Variants in IFT88 observed in about 807,000 individuals in gnomAD.
The protein encoded by IFT88 is intraflagellar transport protein 88 homolog.
In IFT88, 74 loss-of-function variants were observed where a neutral mutation model predicts 119.5. The observed-to-expected ratio is 0.62, with a 90% CI of 0.51 to 0.75. IFT88 has a LOEUF of 0.75. Ranked by LOEUF, IFT88 falls within the 30% of genes least tolerant of loss-of-function variation. The pLI is 0.00. For missense variants in IFT88, 961 were observed against 977.7 expected (o/e 0.98, Z 0.23); for synonymous variants, 279 against 316.7 (o/e 0.88, Z 1.26).
chr13:20,613,658 G>A (rs550918690), intron 13 of IFT88, among the ~76,000 whole-genome samples: 26 of 129,698 alleles, frequency 2.0e-4, no homozygotes, highest in South Asian at 7.7e-4. Context: ...TCATAATATC[G>A]AAAAATAGAA....
intron 23 of IFT88, among the ~76,000 whole-genome samples, chr13:20,667,998 T>G (rs4770065): frequency 0.71 from 100,930 of 141,586 alleles, 35,450 homozygotes; most frequent in East Asian, 1. Context: ...GCAGTCAATA[T>G]GATGGACACT....
intron 21 of IFT88, among the ~76,000 whole-genome samples, chr13:20,654,703 A>G (rs1199637636): frequency 6.6e-6 from 1 of 152,212 alleles, no homozygotes; most frequent in Non-Finnish European, 1.5e-5. Context: ...GTTTTAATAC[A>G]TAACTCAGTG....
chr13:20,674,713 TA>T (rs1566450059), intron 24 of IFT88, among the ~76,000 whole-genome samples: 2 of 37,438 alleles, frequency 5.3e-5, no homozygotes, highest in African/African-American at 1.8e-4. Context: ...TATATATATA[TA>T]TATATATATA....
chr13:20,586,392 G>A (rs1312066998), intron 3 of IFT88, among the ~76,000 whole-genome samples: 1 of 152,152 alleles, frequency 6.6e-6, no homozygotes, highest in African/African-American at 2.4e-5. Flanking sequence ...AAGGCATGAA[G>A]TAATAAATTA....
At chr13:20,592,959 A>G (rs961538508) in intron 7 of IFT88, among the ~76,000 whole-genome samples, 2 of 152,194 alleles carry the variant, frequency 1.3e-5, no homozygotes, top group South Asian at 2.1e-4. Flanking sequence ...TTGTGATATT[A>G]TATGACTTGA....
intron 15 of IFT88, among the ~76,000 whole-genome samples, chr13:20,630,618 C>G (rs1328743066): frequency 6.6e-6 from 1 of 152,032 alleles, no homozygotes; most frequent in Non-Finnish European, 1.5e-5. Context: ...AGTCTAGTCT[C>G]AAACTCCTGA....
At chr13:20,628,268 T>C (rs1372635271) in intron 15 of IFT88, among the ~76,000 whole-genome samples, 3 of 152,144 alleles carry the variant, frequency 2.0e-5, no homozygotes, top group African/African-American at 7.2e-5. Context: ...TGATGGTGTT[T>C]GTAGCCACTT....
At chr13:20,656,455 T>G in intron 22 of IFT88, 25 bp downstream of exon 22, 2 of 1,168,880 alleles carry the variant, frequency 1.7e-6, no homozygotes, top group Admixed American at 4.2e-5. Flanking sequence ...ATAATGTAAC[T>G]TTGAAGTGAT....
At chr13:20,586,634 G>A (rs1391840002) in intron 3 of IFT88, among the ~76,000 whole-genome samples, 1 of 152,140 alleles carries the variant, frequency 6.6e-6, no homozygotes, top group African/African-American at 2.4e-5. Flanking sequence ...ACACAAAAAT[G>A]AGATTTAGTC....
At chr13:20,661,073 A>C (rs948295337) in intron 22 of IFT88, among the ~76,000 whole-genome samples, 30 of 152,336 alleles carry the variant, frequency 2.0e-4, no homozygotes, top group African/African-American at 6.3e-4. Flanking sequence ...TACAACAGAT[A>C]TATCAACTTG....
At chr13:20,597,415 G>A (rs890438245) in intron 9 of IFT88, among the ~76,000 whole-genome samples, 1 of 152,126 alleles carries the variant, frequency 6.6e-6, no homozygotes, top group African/African-American at 2.4e-5. Context: ...TTTGCGACCA[G>A]CCTGGGCAAC....
In IFT88 at chr13:20,670,986, G is replaced by A. The variant is rs772737341; in HGVS notation, c.2189G>A (p.Gly730Asp). The stretch of plus-strand genomic sequence containing the variant: ...TCTTTGCTCTAGCGCATAAAGTCAG[G>A]CAGAGATGGCAGTGGGGGCTCCCGT... ...KEIREQRIKS[G>D]RDGSGGSRGK... Residue 730 changes from glycine to aspartate, a missense_variant, in exon 24 of 26, where the codon GGC becomes GAC. Coordinates refer to ENST00000351808, the MANE Select transcript of IFT88 (RefSeq NM_006531.5). 1.2e-6 allele frequency: 2 copies of A among 1,613,828 alleles called. No individual in the cohort carries two copies. Among genetic ancestry groups the A allele is most frequent in the Non-Finnish European group, 8.5e-7 (1 of 1,179,848 alleles).
At chr13:20,684,879 G>A (rs1441632249) in intron 24 of IFT88, among the ~76,000 whole-genome samples, 4 of 152,218 alleles carry the variant, frequency 2.6e-5, no homozygotes, top group Admixed American at 1.3e-4. Flanking sequence ...CCTTCGACCC[G>A]GGTTCAAGCC....
At position 20,651,065 on chromosome 13, in the gene IFT88, C is replaced by G. The variant is rs540669037; in HGVS notation, c.1950-2811C>G. 2.0e-5 allele frequency among the ~76,000 whole-genome samples: 3 copies of G among 152,002 alleles called. No individual in the cohort carries two copies. In the South Asian group the frequency reaches 6.2e-4, roughly 32 times the overall value. On this transcript the variant is annotated intron_variant, in intron 20 of 25. Transcript: ENST00000351808. The stretch of plus-strand genomic sequence containing the variant: ...CTTCTGCAGCAGTACCACACTGTTT[C>G]GATTATTGTAGCATTAAAGCAAATT...
At chr13:20,685,201 C>T (rs923127612) in intron 24 of IFT88, among the ~76,000 whole-genome samples, 2 of 152,214 alleles carry the variant, frequency 1.3e-5, no homozygotes, top group Non-Finnish European at 2.9e-5. Flanking sequence ...TGTTAAGACA[C>T]AGGCTGCTCC....
At chr13:20,664,269 A>G (rs944527829) in intron 23 of IFT88, among the ~76,000 whole-genome samples, 6 of 152,242 alleles carry the variant, frequency 3.9e-5, no homozygotes, top group Admixed American at 2.6e-4. Context: ...TGTTAAAACT[A>G]GAAGTTTTAT....
At chr13:20,636,793 G>T (rs898030396) in intron 16 of IFT88, among the ~76,000 whole-genome samples, 2 of 152,190 alleles carry the variant, frequency 1.3e-5, no homozygotes, top group African/African-American at 4.8e-5. Context: ...CACCTCACTT[G>T]TCGGTACCAA....
intron 2 of IFT88, among the ~76,000 whole-genome samples, chr13:20,581,775 C>G (rs770183121): frequency 1.4e-4 from 21 of 150,680 alleles, no homozygotes; most frequent in Admixed American, 2.7e-4. Context: ...ATCACCTGAG[C>G]CTGGGAAGTT....
At chr13:20,570,992 T>C (rs1312211639) in intron 1 of IFT88, among the ~76,000 whole-genome samples, 1 of 152,036 alleles carries the variant, frequency 6.6e-6, no homozygotes, top group Non-Finnish European at 1.5e-5. Flanking sequence ...TTATTTATTT[T>C]TATTATTTAT....
Sources: gnomAD v4.1 joint callset for allele counts (sites outside exome capture counted in the v4.1 genomes callset) on GRCh38, gnomAD v4.1.1 for gene constraint, MANE v1.5 for transcripts, NCBI Gene and HGNC (gene_info 2026-07-23, HGNC 2026-07-21) for gene names.